The following DOCK1 variants were observed in gnomAD, a reference collection of about 807,000 sequenced individuals.
DOCK1 encodes dedicator of cytokinesis 1, also known as dedicator of cytokinesis protein 1.
Under a neutral mutation model 262.7 loss-of-function variants are expected in DOCK1, and 138 were observed. The observed-to-expected ratio is 0.53, with a 90% CI of 0.46 to 0.61. The LOEUF is 0.61. DOCK1 is among the 20% of genes least tolerant of loss of function. DOCK1 has a pLI of 0.00. For synonymous variants in DOCK1, 866 were observed against 867.4 expected (o/e 1.00, Z 0.03); for missense variants, 1,908 against 2,370.7 (o/e 0.80, Z 4.05).
At position 127,437,948 on chromosome 10, in the gene DOCK1, G is replaced by A. The variant is rs958723464; in HGVS notation, c.5061-1079G>A. On this transcript the variant is annotated intron_variant, in intron 48 of 51. Coordinates refer to ENST00000623213, the MANE Select transcript of DOCK1 (RefSeq NM_001290223.2). This position sits in a 1 kb window ranked among gnomAD's most constrained non-coding sequence, Gnocchi z 4.4. The stretch of plus-strand genomic sequence containing the variant: ...CCAATTGCTTCTCCAGGCGGTCAAG[G>A]AAGTCAGGTTTGGAAGTTGCTGTGA... 2.6e-5 allele frequency among the ~76,000 whole-genome samples: 4 copies of A among 152,358 alleles called. No individual in the cohort carries two copies. The highest frequency in any genetic ancestry group is 9.6e-5 in the African/African-American group (4 of 41,602).
At chr10:127,385,480 A>G (rs2066059800) in intron 38 of DOCK1, among the ~76,000 whole-genome samples, 1 of 151,996 alleles carries the variant, frequency 6.6e-6, no homozygotes, top group Non-Finnish European at 1.5e-5. Flanking sequence ...CTGCCACCGA[A>G]GTGACATTGG....
intron 21 of DOCK1, among the ~76,000 whole-genome samples, chr10:127,045,288 ATTG>A (rs1178894834): frequency 6.6e-6 from 1 of 151,014 alleles, no homozygotes; most frequent in Non-Finnish European, 1.5e-5. Flanking sequence ...GAAAATAAGT[ATTG>A]TTAGCATGTT....
At chr10:127,123,426 C>T (rs1041113271) in intron 25 of DOCK1, among the ~76,000 whole-genome samples, 1 of 152,132 alleles carries the variant, frequency 6.6e-6, no homozygotes, top group Non-Finnish European at 1.5e-5. Context: ...TGGTGGGCAC[C>T]ACGAGGAAGA....
chr10:127,414,934 CAG>C (rs1422973269), intron 43 of DOCK1, among the ~76,000 whole-genome samples: 3 of 152,208 alleles, frequency 2.0e-5, no homozygotes, highest in African/African-American at 7.2e-5. Flanking sequence ...GGCTAGGGGA[CAG>C]GGGATACTTT....
At chr10:127,241,855 C>T (rs1438524399) in intron 27 of DOCK1, among the ~76,000 whole-genome samples, 2 of 152,064 alleles carry the variant, frequency 1.3e-5, no homozygotes, top group African/African-American at 2.4e-5. Context: ...TGGTCCTCTC[C>T]CCAGGAGTGA....
chr10:127,096,804 C>T lies in DOCK1; in HGVS notation c.2446-9427C>T, dbSNP rs1461609879. On this transcript the variant is annotated intron_variant, in intron 23 of 51. Coordinates refer to ENST00000623213, the MANE Select transcript of DOCK1 (RefSeq NM_001290223.2). The stretch of plus-strand genomic sequence containing the variant: ...TGGGACAATTACATTTGCTTAGAGA[C>T]GAGTATAAAATTTATTTCTGGGCCG... Among the ~76,000 whole-genome samples the T allele has an allele frequency of 4.0e-5, 6 of 151,774 alleles. No homozygotes were observed. The South Asian group carries it at 1.2e-3, about 32-fold the overall frequency.
At chr10:127,389,087 AG>A (rs1441389945) in intron 38 of DOCK1, among the ~76,000 whole-genome samples, 2 of 152,120 alleles carry the variant, frequency 1.3e-5, no homozygotes, top group Admixed American at 6.5e-5. Flanking sequence ...TCCGTTAAAG[AG>A]GGGGCTTAGG....
chr10:127,329,588 C>G (rs747422561), intron 29 of DOCK1, among the ~76,000 whole-genome samples: 1 of 152,002 alleles, frequency 6.6e-6, no homozygotes, highest in Non-Finnish European at 1.5e-5. Flanking sequence ...CTTTATTTGC[C>G]GGGATGGAGT....
chr10:127,299,273 G>T (rs531733244), intron 29 of DOCK1, among the ~76,000 whole-genome samples: 2 of 152,034 alleles, frequency 1.3e-5, no homozygotes, highest in Non-Finnish European at 2.9e-5. Context: ...TAATTTTTTT[G>T]CATGTATTTT....
chr10:126,918,981 G>GGTGC lies in DOCK1; in HGVS notation c.46+13418_46+13419insGTGC, dbSNP rs1564982408. On this transcript the variant is annotated intron_variant, in intron 1 of 51. Transcript: ENST00000623213. ...AGAGGATTTGGAGGAGGAGAAAGCC[G>GGTGC]AGAGGGAGTGTGGGGGCCCTTCGGC... 1.2e-4 allele frequency among the ~76,000 whole-genome samples: 13 copies of GGTGC among 106,986 alleles called. No homozygotes were observed. The East Asian group carries it at 2.0e-3, about 17-fold the overall frequency. The allele number at this position is 106,986 out of a possible 152,430, so 70.2% of individuals were successfully genotyped here. A position where few individuals can be genotyped will look rare whatever the true frequency, so the allele number is the denominator to read the frequency against.
At chr10:127,279,122 G>A (rs1384311383) in intron 29 of DOCK1, among the ~76,000 whole-genome samples, 2 of 152,224 alleles carry the variant, frequency 1.3e-5, no homozygotes, top group Non-Finnish European at 2.9e-5. Context: ...ATCCACACAC[G>A]TGGCTTTTTC....
At chr10:127,405,718 C>CACCACAGT (rs1161870912) in intron 40 of DOCK1, among the ~76,000 whole-genome samples, 2 of 152,194 alleles carry the variant, frequency 1.3e-5, no homozygotes, top group African/African-American at 4.8e-5. Context: ...GACAGGGGAG[C>CACCACAGT]ACCACAGTTC....
chr10:126,952,555 TTGG>T (rs1307495342), intron 1 of DOCK1, among the ~76,000 whole-genome samples: 7 of 150,140 alleles, frequency 4.7e-5, no homozygotes, highest in Admixed American at 4.6e-4. Flanking sequence ...GGTGGTAGTA[TTGG>T]TGGTAGTGTT....
At chr10:127,092,945 C>G (rs1038569884) in intron 23 of DOCK1, among the ~76,000 whole-genome samples, 3 of 152,050 alleles carry the variant, frequency 2.0e-5, no homozygotes, top group Non-Finnish European at 4.4e-5. Context: ...ACAATACAAA[C>G]GAGGGGCTTC....
At position 126,962,578 on chromosome 10, in the gene DOCK1, T is replaced by C. The variant is rs920027826; in HGVS notation, c.47-8124T>C. On this transcript the variant is annotated intron_variant, in intron 1 of 51. Transcript: ENST00000623213. ...TCCCAAAGTGCTGGGATTACAGGCA[T>C]GAACCATGGCGCCCAGCCCCCAGGA... 4.3e-4 allele frequency among the ~76,000 whole-genome samples: 66 copies of C among 152,372 alleles called. 2 individuals are homozygous for C. The South Asian group carries it at 0.011, about 24-fold the overall frequency.
rs1015031752 is a variant in DOCK1, at chr10:126,949,552, C to A, written c.47-21150C>A. On this transcript the variant is annotated intron_variant, in intron 1 of 51. Coordinates refer to ENST00000623213, the MANE Select transcript of DOCK1 (RefSeq NM_001290223.2). ...GTACATCCCCTGCTTAATTTCAGAG[C>A]AGCAAGGGCAGAGCTGGGACATGGT... 2.6e-5 allele frequency among the ~76,000 whole-genome samples: 4 copies of A among 152,198 alleles called. No individual in the cohort carries two copies. In the East Asian group the frequency reaches 5.8e-4, roughly 22 times the overall value.
intron 19 of DOCK1, among the ~76,000 whole-genome samples, chr10:127,040,905 G>A (rs1267408243): frequency 1.3e-5 from 2 of 151,862 alleles, no homozygotes; most frequent in Non-Finnish European, 2.9e-5. Context: ...AAACCACATA[G>A]CTATTAGTAG....
chr10:127,227,689 G>A lies in DOCK1; in HGVS notation c.2848-20319G>A, dbSNP rs576036708. On this transcript the variant is annotated intron_variant, in intron 27 of 51. Transcript: ENST00000623213. ...AAGGAAGGCTTGTGCATAGTTAGTG[G>A]GGAAGCCACAGGGATGTGCAACTTT... Among the ~76,000 whole-genome samples, 182 of 152,350 alleles carry A rather than the reference G, an allele frequency of 1.2e-3. 7 individuals carry two copies. The South Asian group carries it at 0.037, about 31-fold the overall frequency.
intron 10 of DOCK1, among the ~76,000 whole-genome samples, chr10:127,003,688 C>T (rs1050060953): frequency 2.6e-5 from 4 of 152,080 alleles, no homozygotes; most frequent in African/African-American, 7.2e-5. Context: ...ACTGGCTGGG[C>T]GCTGCCTGTA....
Sources: allele counts gnomAD v4.1 joint callset (sites outside exome capture counted in the v4.1 genomes callset), GRCh38; gene constraint gnomAD v4.1.1; non-coding constraint Gnocchi (gnomAD v3.1); transcripts MANE v1.5; gene names NCBI Gene and HGNC (gene_info 2026-07-23, HGNC 2026-07-21).